Variants in USP7 observed in about 807,000 individuals in gnomAD.
USP7 encodes ubiquitin C-terminal hydrolase 7.
Under a neutral mutation model 162.9 loss-of-function variants are expected in USP7, and 9 were observed. That is an observed-to-expected ratio of 0.06 (90% CI 0.03 to 0.10). The LOEUF (loss-of-function observed/expected upper bound fraction) is 0.10. Among genes scored for constraint, USP7 ranks in the 10% least tolerant of loss-of-function variants. The pLI is 1.00. For missense variants in USP7, 715 were observed against 1,373.7 expected, an observed-to-expected ratio of 0.52 and a Z score of 7.58; for synonymous variants, 562 against 475.9, an observed-to-expected ratio of 1.18 and a Z score of -2.35.
chr16:8,905,968 A>G (rs1451247845), intron 13 of USP7, among the ~76,000 whole-genome samples: 1 of 152,142 alleles, frequency 6.6e-6, no homozygotes, highest in Admixed American at 6.5e-5. Flanking sequence ...TCTTGGGGGT[A>G]GATTCCAAGA....
At chr16:8,894,154 C>G in intron 30 of USP7, 50 bp from the exon 31 acceptor site, 1 of 1,554,106 alleles carries the variant, frequency 6.4e-7, no homozygotes, top group Non-Finnish European at 8.9e-7. Flanking sequence ...GCCCTGGAAC[C>G]CCTCAGCGGG....
chr16:8,925,791 G>C (rs554805483), intron 2 of USP7, among the ~76,000 whole-genome samples: 4 of 152,198 alleles, frequency 2.6e-5, no homozygotes, highest in Admixed American at 2.6e-4. Flanking sequence ...ACAAAGTTTA[G>C]ATGACACTTC....
intron 10 of USP7, among the ~76,000 whole-genome samples, chr16:8,911,470 T>C (rs973474675): frequency 6.6e-6 from 1 of 152,142 alleles, no homozygotes; most frequent in African/African-American, 2.4e-5. Context: ...GAATTGTATA[T>C]CCAGAGTGTA....
rs1371271116 is a variant in USP7 at position 8,900,642 on chromosome 16, GAT to G, written c.2209-14_2209-13del. The G allele has an allele frequency of 2.5e-5, 40 of 1,585,534 alleles. No individual in the cohort carries two copies. Among genetic ancestry groups the G allele is most frequent in the Non-Finnish European group, 3.3e-5 (38 of 1,161,118 alleles). Reference sequence around the variant, plus strand: ...TTCGGTTTAACTTCCTACAGTGAAAGATATAAAATTGTTACACTGCAAGTTTG... The same window carrying G: ...TTCGGTTTAACTTCCTACAGTGAAAGATAAAATTGTTACACTGCAAGTTTG... On this transcript the variant is annotated splice_polypyrimidine_tract_variant and intron_variant, in intron 20 of 30. Transcript: ENST00000344836.
rs373006219 is a variant in USP7 at position 8,923,428 on chromosome 16, C to T, written c.185-15G>A. On this transcript the variant is annotated splice_polypyrimidine_tract_variant and intron_variant, in intron 2 of 30. Transcript: ENST00000344836. ...CCAACTGGTGTCTGCAAAAAAAACA[C>T]ATCATCAGTCACAGAGCCTGTGCAT... 4.3e-5 allele frequency: 69 copies of T among 1,613,366 alleles called. No individual in the cohort carries two copies. In the African/African-American group the frequency reaches 8.4e-4, roughly 20 times the overall value.
At chr16:8,906,922 GA>G (rs1427156913) in intron 12 of USP7, among the ~76,000 whole-genome samples, 1 of 152,218 alleles carries the variant, frequency 6.6e-6, no homozygotes, top group Non-Finnish European at 1.5e-5. Context: ...TTCCCACTCT[GA>G]ATATTGACTT....
chr16:8,959,027 T>C (rs1391506672), intron 1 of USP7, among the ~76,000 whole-genome samples: 5 of 152,128 alleles, frequency 3.3e-5, no homozygotes, highest in Admixed American at 2.0e-4. Flanking sequence ...AGTGTCACAT[T>C]TTCTTGGCTG....
At chr16:8,953,041 T>A (rs1434418319) in intron 1 of USP7, among the ~76,000 whole-genome samples, 1 of 152,148 alleles carries the variant, frequency 6.6e-6, no homozygotes, top group East Asian at 1.9e-4. Flanking sequence ...TTCACCATGT[T>A]GGTCAGGCTG....
intron 1 of USP7, chr16:8,949,791 C>T (rs1301610644): frequency 6.6e-6 from 1 of 152,264 alleles, no homozygotes; most frequent in Non-Finnish European, 1.5e-5. Context: ...TGCTTCCCCT[C>T]CAAGCCCCCA....
intron 12 of USP7, 123 bp from the exon 13 acceptor site, chr16:8,906,705 G>T: frequency 1.0e-6 from 1 of 988,620 alleles, no homozygotes; most frequent in Non-Finnish European, 1.5e-6. Flanking sequence ...GAATTGCCTT[G>T]GGAAGGCCTA....
intron 16 of USP7, 88 bp from the exon 17 acceptor site, chr16:8,902,570 CATATAT>C: frequency 3.1e-6 from 3 of 968,858 alleles, no homozygotes; most frequent in Non-Finnish European, 4.6e-6. Context: ...TATACATATA[CATATAT>C]ATATATAGTC....
intron 1 of USP7, among the ~76,000 whole-genome samples, chr16:8,940,813 G>A (rs1329444450): frequency 2.0e-5 from 3 of 151,944 alleles, no homozygotes; most frequent in South Asian, 2.1e-4. Flanking sequence ...ACATGGTGGC[G>A]CACACCTGTA....
chr16:8,901,629 T>C (rs2061775906), intron 18 of USP7, among the ~76,000 whole-genome samples: 2 of 152,336 alleles, frequency 1.3e-5, no homozygotes, highest in Non-Finnish European at 2.9e-5. Context: ...TGTCATTTTA[T>C]AGCAAGGGTC....
At chr16:8,957,259 C>T (rs2141267462) in intron 1 of USP7, among the ~76,000 whole-genome samples, 1 of 152,320 alleles carries the variant, frequency 6.6e-6, no homozygotes, top group South Asian at 2.1e-4. Flanking sequence ...ACTTAAAACC[C>T]TGCTTCCTCC....
intron 10 of USP7, among the ~76,000 whole-genome samples, chr16:8,911,683 G>C (rs2061948965): frequency 6.6e-6 from 1 of 152,226 alleles, no homozygotes; most frequent in Non-Finnish European, 1.5e-5. Flanking sequence ...CAAGAAGTGA[G>C]AATGAGAGGA....
chr16:8,929,180 A>G (rs1317063669), intron 2 of USP7, among the ~76,000 whole-genome samples: 1 of 152,224 alleles, frequency 6.6e-6, no homozygotes, highest in African/African-American at 2.4e-5. Context: ...ACGCACACCT[A>G]GCGCCTCAGA....
At chr16:8,947,859 C>A (rs549732339) in intron 1 of USP7, among the ~76,000 whole-genome samples, 72 of 152,304 alleles carry the variant, frequency 4.7e-4, no homozygotes, top group African/African-American at 1.6e-3. Flanking sequence ...CTGCACAGCT[C>A]CCACTTTTGA....
At chr16:8,913,521 G>A (rs756184205) in intron 10 of USP7, among the ~76,000 whole-genome samples, 12 of 152,008 alleles carry the variant, frequency 7.9e-5, no homozygotes, top group Non-Finnish European at 1.6e-4. Flanking sequence ...ACGTCTAACA[G>A]ACCGAAGGAA....
chr16:8,917,876 G>A lies in USP7; in HGVS notation c.721-720C>T, dbSNP rs181551826. Among the ~76,000 whole-genome samples the A allele has an allele frequency of 6.6e-3, 1,008 of 151,928 alleles. 9 individuals carry two copies. Among genetic ancestry groups the A allele is most frequent in the Admixed American group, 0.013 (195 of 15,264 alleles). On this transcript the variant is annotated intron_variant, in intron 6 of 30. Transcript: ENST00000344836. ...GTGATCTTGGCTCACTGCAATCTCC[G>A]CCTCCCAGGTCCACGCCATTCTCCT... is the stretch of plus-strand genomic sequence containing the variant.
Sources: gnomAD v4.1 joint callset for allele counts (sites outside exome capture counted in the v4.1 genomes callset) on GRCh38, gnomAD v4.1.1 for gene constraint, MANE v1.5 for transcripts, NCBI Gene and HGNC (gene_info 2026-07-23, HGNC 2026-07-21) for gene names.